The following SLC39A3 variants were observed in gnomAD, a reference collection of about 807,000 sequenced individuals.
The protein encoded by SLC39A3 is zinc transporter ZIP3.
Under a neutral mutation model 5.1 loss-of-function variants are expected in SLC39A3, and 3 were observed. The ratio of observed to expected loss-of-function variants is 0.59; its 90% CI spans 0.27 to 1.54. The LOEUF is 1.54. Among genes scored for constraint, SLC39A3 ranks in the 40% most tolerant of loss-of-function variants. The pLI is 0.12. For missense variants in SLC39A3, 412 were observed against 436.4 expected (o/e 0.94, Z 0.50); for synonymous variants, 250 against 218.8 (o/e 1.14, Z -1.26).
intron 2 of SLC39A3, 180 bp downstream of exon 2, chr19:2,736,868 G>A (rs146963008): frequency 1.9e-5 from 29 of 1,489,740 alleles, no homozygotes; most frequent in South Asian, 6.8e-5. Flanking sequence ...TTGTTTGGCC[G>A]GTAGAGCACA....
Position 2,733,924 on chromosome 19 carries a change from G to C in SLC39A3, c.211-439C>G, listed in dbSNP as rs923454485. Among the ~76,000 whole-genome samples the C allele has an allele frequency of 6.6e-6, 1 of 152,236 alleles. No individual in the cohort carries two copies. Among genetic ancestry groups the C allele is most frequent in the African/African-American group, 2.4e-5 (1 of 41,464 alleles). On this transcript the variant is annotated intron_variant, in intron 2 of 2. Coordinates refer to ENST00000269740, the MANE Select transcript of SLC39A3 (RefSeq NM_144564.5). The surrounding 1 kb of genome is among the most constrained non-coding windows in gnomAD (Gnocchi z 6.1). ...CCACTGCACTCCAGCCTGGGCGACA[G>C]AGGGAGACTCCGGCTCAAAATAAAC...
At chr19:2,736,039 G>A (rs1213183442) in intron 2 of SLC39A3, 2 of 985,384 alleles carry the variant, frequency 2.0e-6, no homozygotes, top group Non-Finnish European at 2.4e-6. Flanking sequence ...GGCCCAGAGA[G>A]AGGAAGCCAC....
chr19:2,739,077 G>T (rs1377832210), intron 1 of SLC39A3, among the ~76,000 whole-genome samples: 1 of 133,520 alleles, frequency 7.5e-6, no homozygotes, highest in Non-Finnish European at 1.5e-5. Flanking sequence ...TCCAGCCTGG[G>T]CTGCAGAGCA....
Position 2,733,576 on chromosome 19 carries a change from G to A in SLC39A3, c.211-91C>T, listed in dbSNP as rs1914267795. 2 of 1,478,340 alleles carry A rather than the reference G, an allele frequency of 1.4e-6. No individual in the cohort carries two copies. The highest frequency in any genetic ancestry group is 2.8e-5 in the African/African-American group (2 of 70,938). The allele number at this position is 1,478,340 out of a possible 1,614,324, so 91.6% of individuals were successfully genotyped here. On this transcript the variant is annotated intron_variant, in intron 2 of 2. Coordinates refer to ENST00000269740, the MANE Select transcript of SLC39A3 (RefSeq NM_144564.5). The surrounding 1 kb of genome is among the most constrained non-coding windows in gnomAD (Gnocchi z 6.1). ...GCCAGATGTCACCGTTCAAAGCAAA[G>A]TCCAGAAATCCCCGATTCACACAGA...
rs2144697889 is a variant in SLC39A3, at chr19:2,735,978, T to C, written c.210+1070A>G. ...TGGGAGGAAGAACAGGGGGTCCTCA[T>C]ATCTCCACCAAGTATGTAACCAACA... On this transcript the variant is annotated intron_variant, in intron 2 of 2. Transcript: ENST00000269740. The surrounding 1 kb of genome is among the most constrained non-coding windows in gnomAD (Gnocchi z 5.7). The C allele has an allele frequency of 3.0e-6, 3 of 985,438 alleles. No individual in the cohort carries two copies. The highest frequency in any genetic ancestry group is 2.4e-6 in the Non-Finnish European group (2 of 829,946). 61.0% of individuals were successfully genotyped at this position (985,438 alleles called of 1,614,324 possible).
In SLC39A3 at chr19:2,735,763, G is replaced by A; in HGVS notation, c.210+1285C>T. The stretch of plus-strand genomic sequence containing the variant: ...AGCCCTACCCACACTCGAGGGGAGG[G>A]AAGAGCATGGGGCGTGCGGAGCAGG... On this transcript the variant is annotated intron_variant, in intron 2 of 2. Coordinates refer to ENST00000269740, the MANE Select transcript of SLC39A3 (RefSeq NM_144564.5). The surrounding 1 kb of genome is among the most constrained non-coding windows in gnomAD (Gnocchi z 5.7). The A allele has an allele frequency of 2.3e-6, 2 of 864,550 alleles. No individual in the cohort carries two copies. Among genetic ancestry groups the A allele is most frequent in the Non-Finnish European group, 2.8e-6 (2 of 720,144 alleles). The allele number at this position is 864,550 out of a possible 1,614,324, so 53.6% of individuals were successfully genotyped here.
chr19:2,738,354 A>T (rs4806874), intron 1 of SLC39A3, among the ~76,000 whole-genome samples: 1 of 151,900 alleles, frequency 6.6e-6, no homozygotes, highest in East Asian at 1.9e-4. Flanking sequence ...ACTGCAGAAC[A>T]TGCTATTGGA....
At chr19:2,739,782 C>T (rs541505273) in intron 1 of SLC39A3, among the ~76,000 whole-genome samples, 163 bp downstream of exon 1, 26 of 152,360 alleles carry the variant, frequency 1.7e-4, no homozygotes, top group Middle Eastern at 3.4e-3. Context: ...AGGGCACGGG[C>T]TCATTCATTC....
Position 2,733,475 on chromosome 19 carries a change from AC to A in SLC39A3, c.220del (p.Val74SerfsTer2). On this transcript the variant is annotated frameshift_variant, in exon 3 of 3. Transcript: ENST00000269740. LOFTEE classifies it low-confidence loss of function (END_TRUNC). The surrounding 1 kb of genome is among the most constrained non-coding windows in gnomAD (Gnocchi z 6.1). ...LPAVREKLQKVLSLGHISTDY... is the reference protein window; with the variant it reads ...LPAVREKLQKXLSLGHISTDY... The stretch of plus-strand genomic sequence containing the variant: ...GGTGCTGATGTGGCCGAGGCTCAGG[AC>A]CTTCTGGAGCTGCAGCCGGGGACAC... 1.2e-6 allele frequency: 2 copies of A among 1,609,548 alleles called. No homozygotes were observed. Among genetic ancestry groups the A allele is most frequent in the Non-Finnish European group, 1.7e-6 (2 of 1,177,668 alleles).
chr19:2,732,534 A>C lies in SLC39A3; in HGVS notation c.*217T>G. ...ACATGGCCACACAGCTTTGGTAAAG[A>C]CTTTTAAGAGAAAGAAGTATTTTAA... On this transcript the variant is annotated 3_prime_UTR_variant, in exon 3 of 3. Transcript: ENST00000269740. 1 of 1,430,034 alleles carries C rather than the reference A, an allele frequency of 7.0e-7. No homozygotes were observed. Among genetic ancestry groups the C allele is most frequent in the Non-Finnish European group, 9.1e-7 (1 of 1,096,848 alleles). The allele number at this position is 1,430,034 out of a possible 1,614,324, so 88.6% of individuals were successfully genotyped here. A position where few individuals can be genotyped will look rare whatever the true frequency, so the allele number is the denominator to read the frequency against.
At position 2,735,869 on chromosome 19, in the gene SLC39A3, C is replaced by G; in HGVS notation, c.210+1179G>C. ...AGATGATTTAATCCCAGACAACAGC[C>G]CTTCTCCTCCTTTCTGGACACTAGG... On this transcript the variant is annotated intron_variant, in intron 2 of 2. Coordinates refer to ENST00000269740, the MANE Select transcript of SLC39A3 (RefSeq NM_144564.5). The surrounding 1 kb of genome is among the most constrained non-coding windows in gnomAD (Gnocchi z 5.7). 1.0e-6 allele frequency: 1 copy of G among 985,502 alleles called. No individual in the cohort carries two copies. The highest frequency in any genetic ancestry group is 4.7e-5 in the South Asian group (1 of 21,284). 61.0% of individuals were successfully genotyped at this position (985,502 alleles called of 1,614,324 possible). A position where few individuals can be genotyped will look rare whatever the true frequency, so the allele number is the denominator to read the frequency against.
At chr19:2,736,299 C>T (rs149706263) in intron 2 of SLC39A3, 125 of 589,780 alleles carry the variant, frequency 2.1e-4, no homozygotes, top group Middle Eastern at 8.7e-4. Context: ...CAGCAGGACA[C>T]TGGGGCAGAG....
chr19:2,740,043 G>T (rs1375671804), upstream of SLC39A3: 2 of 152,200 alleles, frequency 1.3e-5, no homozygotes, highest in African/African-American at 4.8e-5. Flanking sequence ...CCCGCTCGGC[G>T]CGGCTGGTCC....
rs768269957 is a variant in SLC39A3, at chr19:2,733,537, C to A, written c.211-52G>T. ...GAGAGAGACCCACGCTCAGGGGTGGCGGCGACAGGGCTGGCCAGATGTCAC... is the reference window on the plus strand; with the variant it reads ...GAGAGAGACCCACGCTCAGGGGTGGAGGCGACAGGGCTGGCCAGATGTCAC... On this transcript the variant is annotated intron_variant, in intron 2 of 2. Transcript: ENST00000269740. This position sits in a 1 kb window ranked among gnomAD's most constrained non-coding sequence, Gnocchi z 6.1. 43 of 1,553,230 alleles carry A rather than the reference C, an allele frequency of 2.8e-5. No individual in the cohort carries two copies. The highest frequency in any genetic ancestry group is 3.6e-5 in the Non-Finnish European group (41 of 1,151,466).
In SLC39A3 at chr19:2,732,998, G is replaced by A. The variant is rs779306867; in HGVS notation, c.698C>T (p.Ala233Val). The change falls in exon 3 of 3, where the codon GCG (alanine) becomes GTG (valine). Residue 233 changes from alanine to valine, a missense_variant. Coordinates refer to ENST00000269740, the MANE Select transcript of SLC39A3 (RefSeq NM_144564.5). ...AMPLRDAAKL[A>V]VTVSAMIPLG... ...GGGGATCATGGCGCTTACGGTGACC[G>A]CCAGCTTGGCCGCGTCCCGCAGGGG... 1.2e-5 allele frequency: 19 copies of A among 1,596,872 alleles called. No individual in the cohort carries two copies. Among genetic ancestry groups the A allele is most frequent in the Middle Eastern group, 1.7e-4 (1 of 6,006 alleles).
At position 2,734,732 on chromosome 19, in the gene SLC39A3, C is replaced by T; in HGVS notation, c.211-1247G>A. 1.0e-6 allele frequency: 1 copy of T among 985,400 alleles called. No individual in the cohort carries two copies. The highest frequency in any genetic ancestry group is 1.7e-5 in the African/African-American group (1 of 57,374). The allele number at this position is 985,400 out of a possible 1,614,324, so 61.0% of individuals were successfully genotyped here. On this transcript the variant is annotated intron_variant, in intron 2 of 2. Coordinates refer to ENST00000269740, the MANE Select transcript of SLC39A3 (RefSeq NM_144564.5). This position sits in a 1 kb window ranked among gnomAD's most constrained non-coding sequence, Gnocchi z 4.6. Reference sequence around the variant, plus strand: ...GGCATCGCCCAGTGTTCCCTGGGGGCAGTTCACGCTGGGTGAGCCTCTGCT... The same window carrying T: ...GGCATCGCCCAGTGTTCCCTGGGGGTAGTTCACGCTGGGTGAGCCTCTGCT...
At position 2,735,886 on chromosome 19, in the gene SLC39A3, GAC is replaced by G; in HGVS notation, c.210+1160_210+1161del. The stretch of plus-strand genomic sequence containing the variant: ...ACAACAGCCCTTCTCCTCCTTTCTG[GAC>G]ACTAGGCACGAGGAAAAGCAGGGCC... On this transcript the variant is annotated intron_variant, in intron 2 of 2. Coordinates refer to ENST00000269740, the MANE Select transcript of SLC39A3 (RefSeq NM_144564.5). This position sits in a 1 kb window ranked among gnomAD's most constrained non-coding sequence, Gnocchi z 5.7. 1 of 985,502 alleles carries G rather than the reference GAC, an allele frequency of 1.0e-6. No homozygotes were observed. Among genetic ancestry groups the G allele is most frequent in the South Asian group, 4.7e-5 (1 of 21,282 alleles). 61.0% of individuals were successfully genotyped at this position (985,502 alleles called of 1,614,324 possible). A position where few individuals can be genotyped will look rare whatever the true frequency, so the allele number is the denominator to read the frequency against.
At chr19:2,736,004 C>A (rs1351411909) in intron 2 of SLC39A3, 29 of 985,348 alleles carry the variant, frequency 2.9e-5, no homozygotes, top group Non-Finnish European at 3.4e-5. Context: ...GTAACCAACA[C>A]AAATTCAATG....
intron 2 of SLC39A3, chr19:2,736,435 G>GAAACACCCCTCCTCCAAAGGTGTTGCAGA: frequency 5.5e-6 from 1 of 182,740 alleles, no homozygotes; most frequent in Non-Finnish European, 1.1e-5. Context: ...CACGTGGCCA[G>GAAACACCCCTCCTCCAAAGGTGTTGCAGA]GCTCTGAGGG....
Sources: allele counts gnomAD v4.1 joint callset (sites outside exome capture counted in the v4.1 genomes callset), GRCh38; gene constraint gnomAD v4.1.1; non-coding constraint Gnocchi (gnomAD v3.1); transcripts MANE v1.5; gene names NCBI Gene and HGNC (gene_info 2026-07-23, HGNC 2026-07-21).